The following DPP6 variants were observed in gnomAD, a reference collection of about 807,000 sequenced individuals.
The protein encoded by DPP6 is A-type potassium channel modulatory protein DPP6.
A neutral mutation model predicts 122.6 loss-of-function variants in DPP6; 69 were observed. The observed-to-expected ratio is 0.56, with a 90% CI of 0.46 to 0.69. DPP6 has a LOEUF of 0.69. Ranked by LOEUF, DPP6 falls within the 30% of genes least tolerant of loss-of-function variation. The pLI, the probability that DPP6 is intolerant of heterozygous loss-of-function variation, is 0.00. For missense variants in DPP6, 928 were observed against 1,116.9 expected, an observed-to-expected ratio of 0.83 and a Z score of 2.41; for synonymous variants, 418 against 433.1, an observed-to-expected ratio of 0.97 and a Z score of 0.43.
chr7:153,773,058 A>G, the DPP6 span, among the ~76,000 whole-genome samples: 1 of 147,514 alleles, frequency 6.8e-6, no homozygotes, highest in African/African-American at 2.4e-5. Flanking sequence ...ATATAAAAGT[A>G]ACAAGTAAAA....
At chr7:153,785,248 C>G in the DPP6 span, among the ~76,000 whole-genome samples, 4 of 152,180 alleles carry the variant, frequency 2.6e-5, no homozygotes, top group Non-Finnish European at 4.4e-5. Context: ...ACGTTCTGCT[C>G]TGCTCCCTTT....
At chr7:154,265,596 T>C (rs1803369491) in intron 1 of DPP6, among the ~76,000 whole-genome samples, 1 of 152,198 alleles carries the variant, frequency 6.6e-6, no homozygotes, top group Admixed American at 6.6e-5. Context: ...TGCTGCACCA[T>C]TGATTGTATT....
the DPP6 span, among the ~76,000 whole-genome samples, chr7:153,779,341 G>A: frequency 2.6e-5 from 4 of 151,768 alleles, no homozygotes; most frequent in Non-Finnish European, 4.4e-5. Flanking sequence ...TTTGTTGCAA[G>A]CAGGATCCAC....
At chr7:153,905,725 C>A (rs1466023830) in intron 1 of DPP6, among the ~76,000 whole-genome samples, 2 of 152,180 alleles carry the variant, frequency 1.3e-5, no homozygotes, top group East Asian at 3.9e-4. Context: ...ATAGAAGATA[C>A]TTCACTGAGA....
chr7:154,730,191 A>C (rs190917954), intron 8 of DPP6, among the ~76,000 whole-genome samples: 25 of 152,292 alleles, frequency 1.6e-4, no homozygotes, highest in Non-Finnish European at 1.5e-5. Flanking sequence ...CTGATATCTG[A>C]GATCCCACTA....
At chr7:154,880,338 G>C (rs1805285787) in intron 20 of DPP6, among the ~76,000 whole-genome samples, 1 of 152,226 alleles carries the variant, frequency 6.6e-6, no homozygotes, top group Non-Finnish European at 1.5e-5. Flanking sequence ...GGCCGTAGCA[G>C]GAAGCTCATG....
intron 1 of DPP6, among the ~76,000 whole-genome samples, chr7:154,398,781 T>G (rs1186729713): frequency 6.6e-6 from 1 of 152,200 alleles, no homozygotes. Flanking sequence ...AAATTATGTT[T>G]TGCAGACCTT....
At chr7:154,421,602 G>T (rs1309422803) in intron 1 of DPP6, among the ~76,000 whole-genome samples, 2 of 152,156 alleles carry the variant, frequency 1.3e-5, no homozygotes, top group African/African-American at 4.8e-5. Flanking sequence ...GGGATTACGG[G>T]CATGAGCCAC....
Position 154,483,756 on chromosome 7 carries a change from A to G in DPP6, c.457+8719A>G, listed in dbSNP as rs183154003. Among the ~76,000 whole-genome samples, 201 of 152,282 alleles carry G rather than the reference A, an allele frequency of 1.3e-3. 1 individual carries two copies. The highest frequency in any genetic ancestry group is 4.7e-3 in the African/African-American group (195 of 41,580). On this transcript the variant is annotated intron_variant, in intron 3 of 25. Transcript: ENST00000377770. This position sits in a 1 kb window ranked among gnomAD's most constrained non-coding sequence, Gnocchi z 8.1. The stretch of plus-strand genomic sequence containing the variant: ...GTCGCCCAGGCTGGAGTGCAGTGGC[A>G]CAATCTTGGCTCACTGCAACCTCCA...
the DPP6 span, among the ~76,000 whole-genome samples, chr7:153,760,802 A>C: frequency 6.6e-6 from 1 of 152,122 alleles, no homozygotes; most frequent in African/African-American, 2.4e-5. Context: ...ACTGCCTCCA[A>C]TACTTCCAGG....
intron 1 of DPP6, chr7:154,094,377 C>G (rs932192666): frequency 6.6e-6 from 1 of 152,364 alleles, no homozygotes; most frequent in Non-Finnish European, 1.5e-5. Context: ...GTGGAGTTTT[C>G]CATGTCTGTG....
At chr7:154,145,552 A>G (rs1396464727) in intron 1 of DPP6, among the ~76,000 whole-genome samples, 6 of 150,896 alleles carry the variant, frequency 4.0e-5, no homozygotes, top group Admixed American at 1.3e-4. Context: ...TGGTAGGTTT[A>G]TAGGATTTTG....
At chr7:154,756,805 C>T (rs932827663) in intron 8 of DPP6, among the ~76,000 whole-genome samples, 5 of 152,112 alleles carry the variant, frequency 3.3e-5, no homozygotes, top group Non-Finnish European at 7.4e-5. Flanking sequence ...CCTAGAACAA[C>T]GAGAGAAAAA....
intron 1 of DPP6, among the ~76,000 whole-genome samples, chr7:154,056,525 G>A (rs1800829779): frequency 6.6e-6 from 1 of 152,092 alleles, no homozygotes. Flanking sequence ...TGTACCATTA[G>A]AGCAGTAGTT....
At chr7:154,694,841 C>T (rs915702234) in intron 7 of DPP6, among the ~76,000 whole-genome samples, 2 of 152,112 alleles carry the variant, frequency 1.3e-5, no homozygotes, top group African/African-American at 2.4e-5. Context: ...GGGATGGTTG[C>T]TCATGCTGTT....
intron 5 of DPP6, among the ~76,000 whole-genome samples, chr7:154,605,321 T>C (rs559014696): frequency 8.4e-6 from 1 of 119,402 alleles, no homozygotes; most frequent in African/African-American, 2.6e-5. Flanking sequence ...TTGTACATTT[T>C]TAGTCAGTTT....
Position 154,062,062 on chromosome 7 carries a change from TG to T in DPP6, c.243+9001del, listed in dbSNP as rs1412990576. 5.9e-4 allele frequency among the ~76,000 whole-genome samples: 52 copies of T among 87,430 alleles called. 3 individuals carry two copies. The East Asian group carries it at 6.2e-3, about 10-fold the overall frequency. The allele number at this position is 87,430 out of a possible 152,430, so 57.4% of individuals were successfully genotyped here. The stretch of plus-strand genomic sequence containing the variant: ...GAGGCAGGGACTGACAGCCAGCCCC[TG>T]GTTCCCCCACTGGCTCTTAGGACCC... On this transcript the variant is annotated intron_variant, in intron 1 of 25. Transcript: ENST00000377770.
rs140485814 is a variant in DPP6, at chr7:154,663,653, T to C, written c.681-5707T>C. On this transcript the variant is annotated intron_variant, in intron 6 of 25. Coordinates refer to ENST00000377770, the MANE Select transcript of DPP6 (RefSeq NM_130797.4). The stretch of plus-strand genomic sequence containing the variant: ...GTCATGGTGAATCACCATGGCATAT[T>C]GGCCATAGCGTTCATATAGTCATGG... 0.035 allele frequency among the ~76,000 whole-genome samples: 1,664 copies of C among 47,336 alleles called. 145 individuals are homozygous for C. The East Asian group carries it at 0.5, about 14-fold the overall frequency. The allele number at this position is 47,336 out of a possible 152,430, so 31.1% of individuals were successfully genotyped here.
At chr7:154,825,575 C>T (rs141958315) in intron 16 of DPP6, among the ~76,000 whole-genome samples, 245 of 152,314 alleles carry the variant, frequency 1.6e-3, no homozygotes, top group African/African-American at 5.6e-3. Context: ...AATGCTGCCA[C>T]GACAGGGGTT....
Sources: gnomAD v4.1 joint callset for allele counts (sites outside exome capture counted in the v4.1 genomes callset) on GRCh38, gnomAD v4.1.1 for gene constraint, Gnocchi (gnomAD v3.1) non-coding constraint, MANE v1.5 for transcripts, NCBI Gene and HGNC (gene_info 2026-07-23, HGNC 2026-07-21) for gene names.